The following AFF3 variants were observed in gnomAD, a reference collection of about 807,000 sequenced individuals.
AFF3 encodes ALF transcription elongation factor 3, also known as AF4/FMR2 family member 3.
In AFF3, 32 loss-of-function variants were observed where a neutral mutation model predicts 129.7. The observed-to-expected ratio is 0.25, with a 90% confidence interval of 0.19 to 0.33. AFF3 has a LOEUF of 0.33. AFF3 is among the 10% of genes least tolerant of loss of function. The pLI is 1.00. For missense variants in AFF3, 1,373 were observed against 1,592.0 expected (o/e 0.86, Z 2.34); for synonymous variants, 644 against 635.4 (o/e 1.01, Z -0.20).
At chr2:99,900,668 G>T (rs1193021565) in intron 7 of AFF3, among the ~76,000 whole-genome samples, 1 of 152,192 alleles carries the variant, frequency 6.6e-6, no homozygotes, top group East Asian at 1.9e-4. Flanking sequence ...GGATACAATG[G>T]CATTTACTGA....
At chr2:99,936,597 A>AATTAC (rs1478387602) in intron 7 of AFF3, among the ~76,000 whole-genome samples, 1 of 152,152 alleles carries the variant, frequency 6.6e-6, no homozygotes, top group Non-Finnish European at 1.5e-5. Context: ...CTGTAGGATA[A>AATTAC]ATTACCCAAA....
intron 14 of AFF3, among the ~76,000 whole-genome samples, chr2:99,600,948 A>C (rs1177117816): frequency 6.6e-6 from 1 of 152,162 alleles, no homozygotes; most frequent in Non-Finnish European, 1.5e-5. Context: ...CACAGTTAAG[A>C]AGGTTTTATT....
In AFF3 at chr2:99,560,567, C is replaced by T. The variant is rs1385545684; in HGVS notation, c.3120-131G>A. 3 of 820,538 alleles carry T rather than the reference C, an allele frequency of 3.7e-6. No individual in the cohort carries two copies. The African/African-American group carries it at 5.2e-5, about 14-fold the overall frequency. 50.8% of individuals were successfully genotyped at this position (820,538 alleles called of 1,614,324 possible). A position where few individuals can be genotyped will look rare whatever the true frequency, so the allele number is the denominator to read the frequency against. ...GCCTGATCCTTAGCTTTTCATAGTA[C>T]TTGCTGATAATTCTTTCTTAAAAGC... On this transcript the variant is annotated intron_variant, in intron 20 of 24. Transcript: ENST00000672756.
intron 18 of AFF3, among the ~76,000 whole-genome samples, chr2:99,573,690 T>G (rs1177651587): frequency 2.6e-5 from 4 of 152,222 alleles, no homozygotes; most frequent in Non-Finnish European, 5.9e-5. Context: ...ACATTTCACA[T>G]GCCATGGCCT....
At chr2:99,769,870 G>C (rs948317026) in intron 8 of AFF3, among the ~76,000 whole-genome samples, 1 of 152,220 alleles carries the variant, frequency 6.6e-6, no homozygotes, top group African/African-American at 2.4e-5. Flanking sequence ...TCCCTGTGCT[G>C]AGCAGCCTGG....
intron 4 of AFF3, among the ~76,000 whole-genome samples, chr2:100,068,257 C>A (rs1559102333): frequency 1.3e-5 from 2 of 152,146 alleles, no homozygotes; most frequent in African/African-American, 2.4e-5. Context: ...AAACAGGGAG[C>A]AAGTGTCCTA....
chr2:99,969,693 G>T (rs1470073141), intron 7 of AFF3, among the ~76,000 whole-genome samples: 1 of 151,830 alleles, frequency 6.6e-6, no homozygotes, highest in African/African-American at 2.4e-5. Flanking sequence ...AGTAGAGATG[G>T]GGTTTCACCA....
intron 12 of AFF3, among the ~76,000 whole-genome samples, chr2:99,660,293 T>C (rs573790119): frequency 6.6e-6 from 1 of 152,252 alleles, no homozygotes; most frequent in Non-Finnish European, 1.5e-5. Flanking sequence ...TGTTTTGGTA[T>C]TTTTGTTAAA....
chr2:99,641,159 G>A (rs1684154461), intron 13 of AFF3, among the ~76,000 whole-genome samples: 1 of 152,140 alleles, frequency 6.6e-6, no homozygotes, highest in South Asian at 2.1e-4. Context: ...CCTCATATGT[G>A]TCCTCCCCCT....
intron 7 of AFF3, among the ~76,000 whole-genome samples, chr2:99,942,174 C>T (rs1376742107): frequency 2.0e-5 from 3 of 152,122 alleles, no homozygotes; most frequent in African/African-American, 7.2e-5. Context: ...GGATGAGACA[C>T]AGCTCACGCC....
chr2:99,767,837 C>T (rs1575920406), intron 8 of AFF3, among the ~76,000 whole-genome samples: 1 of 152,292 alleles, frequency 6.6e-6, no homozygotes, highest in South Asian at 2.1e-4. Flanking sequence ...CCCAGCTACT[C>T]AGGAGGCTGA....
At chr2:99,626,107 A>C (rs924158221) in intron 13 of AFF3, among the ~76,000 whole-genome samples, 1 of 152,208 alleles carries the variant, frequency 6.6e-6, no homozygotes, top group Non-Finnish European at 1.5e-5. Context: ...TGGACACTAG[A>C]ACATTAGAAG....
At chr2:99,685,816 A>G (rs1046176848) in intron 11 of AFF3, among the ~76,000 whole-genome samples, 6 of 152,204 alleles carry the variant, frequency 3.9e-5, no homozygotes, top group Non-Finnish European at 5.9e-5. Flanking sequence ...TTTAGTTACT[A>G]TCCTGGAAGT....
At chr2:99,763,493 A>C (rs1682777518) in intron 8 of AFF3, among the ~76,000 whole-genome samples, 1 of 152,308 alleles carries the variant, frequency 6.6e-6, no homozygotes, top group East Asian at 1.9e-4. Flanking sequence ...GGTTTCCGTG[A>C]ACTATGATTG....
At chr2:99,786,037 T>G (rs1339395711) in intron 8 of AFF3, among the ~76,000 whole-genome samples, 2 of 152,216 alleles carry the variant, frequency 1.3e-5, no homozygotes, top group Non-Finnish European at 2.9e-5. Flanking sequence ...TAAGAAGAAC[T>G]TGAGTTCACT....
intron 12 of AFF3, among the ~76,000 whole-genome samples, chr2:99,653,035 G>A (rs745842170): frequency 1.3e-5 from 2 of 152,160 alleles, no homozygotes; most frequent in African/African-American, 2.4e-5. Flanking sequence ...TGGAGCCAGC[G>A]CAGAGCATGC....
intron 7 of AFF3, among the ~76,000 whole-genome samples, chr2:99,902,809 A>G (rs994559861): frequency 8.5e-5 from 13 of 152,208 alleles, no homozygotes; most frequent in African/African-American, 3.1e-4. Flanking sequence ...CATCCTACAT[A>G]ATGCAAACAC....
chr2:99,645,972 T>C (rs1200728170), intron 13 of AFF3, among the ~76,000 whole-genome samples: 1 of 152,102 alleles, frequency 6.6e-6, no homozygotes, highest in African/African-American at 2.4e-5. Context: ...ACCCACTCCT[T>C]AGGAAGGGAA....
At chr2:100,066,539 T>G (rs549322825) in intron 4 of AFF3, among the ~76,000 whole-genome samples, 1 of 152,316 alleles carries the variant, frequency 6.6e-6, no homozygotes, top group East Asian at 1.9e-4. Flanking sequence ...CTAAATATTC[T>G]AATTGGCACA....
Sources: gnomAD v4.1 joint callset for allele counts (sites outside exome capture counted in the v4.1 genomes callset) on GRCh38, gnomAD v4.1.1 for gene constraint, MANE v1.5 for transcripts, NCBI Gene and HGNC (gene_info 2026-07-23, HGNC 2026-07-21) for gene names.